ARHGAP26: variants seen among roughly 807,000 people sequenced by gnomAD.
ARHGAP26 encodes Rho GTPase activating protein 26.
In ARHGAP26, 38 loss-of-function variants were observed where a neutral mutation model predicts 104.8. The observed-to-expected ratio is 0.36, with a 90% CI of 0.28 to 0.48. ARHGAP26 has a LOEUF of 0.48. Among genes scored for constraint, ARHGAP26 ranks in the 20% least tolerant of loss-of-function variants. The probability of loss-of-function intolerance (pLI) is 0.99; values close to 1 mark genes in which losing one functional copy is unlikely to be tolerated. For missense variants in ARHGAP26, 704 were observed against 947.9 expected, an observed-to-expected ratio of 0.74 and a Z score of 3.38; for synonymous variants, 341 against 340.0, an observed-to-expected ratio of 1.00 and a Z score of -0.03.
At position 143,228,744 on chromosome 5, in the gene ARHGAP26, G is replaced by A. The variant is rs773616588; in HGVS notation, c.*6298G>A. On this transcript the variant is annotated 3_prime_UTR_variant, in exon 23 of 23. Transcript: ENST00000645722. ...GTTCTAAACTTCAGTATTGACTATT[G>A]ACTCGTGCATAGAATCCAATGCTGT... 4.9e-6 allele frequency: 1 copy of A among 203,388 alleles called. No individual in the cohort carries two copies. The allele number at this position is 203,388 out of a possible 1,614,324, so 12.6% of individuals were successfully genotyped here.
intron 10 of ARHGAP26, among the ~76,000 whole-genome samples, chr5:142,915,924 A>G (rs1762419169): frequency 6.6e-6 from 1 of 152,082 alleles, no homozygotes; most frequent in Admixed American, 6.6e-5. Context: ...AGACTCCTGT[A>G]CTTTCCTTTT....
At chr5:143,098,541 A>T (rs1039041892) in intron 17 of ARHGAP26, among the ~76,000 whole-genome samples, 6 of 152,176 alleles carry the variant, frequency 3.9e-5, no homozygotes, top group African/African-American at 1.4e-4. Context: ...CATTAGCTGA[A>T]TTATTTTATC....
chr5:143,129,403 GGTCAGAGA>G (rs1432141011), intron 18 of ARHGAP26, among the ~76,000 whole-genome samples: 3 of 152,154 alleles, frequency 2.0e-5, no homozygotes, highest in Non-Finnish European at 4.4e-5. Flanking sequence ...GGTCTCTGAA[GGTCAGAGA>G]GTTACATAAT....
chr5:142,836,237 G>A (rs986389550), intron 1 of ARHGAP26, among the ~76,000 whole-genome samples: 11 of 152,324 alleles, frequency 7.2e-5, no homozygotes, highest in African/African-American at 2.6e-4. Flanking sequence ...TCTCTCTGGG[G>A]TTTTGGCTTT....
chr5:143,058,711 T>C (rs1195536829), intron 17 of ARHGAP26, among the ~76,000 whole-genome samples: 1 of 152,252 alleles, frequency 6.6e-6, no homozygotes, highest in Admixed American at 6.5e-5. Context: ...TGAGGGAGAT[T>C]GTAATGGTTA....
chr5:143,164,515 T>A (rs1025558402), intron 20 of ARHGAP26, among the ~76,000 whole-genome samples: 12 of 152,256 alleles, frequency 7.9e-5, no homozygotes, highest in African/African-American at 2.9e-4. Context: ...TTTCAAAGAA[T>A]GAGACTCTTT....
At chr5:142,775,091 A>G (rs1756028008) in intron 1 of ARHGAP26, among the ~76,000 whole-genome samples, 1 of 152,134 alleles carries the variant, frequency 6.6e-6, no homozygotes, top group South Asian at 2.1e-4. Context: ...ATTTGGGTAA[A>G]TACCAAGGAG....
intron 20 of ARHGAP26, among the ~76,000 whole-genome samples, chr5:143,188,651 A>G (rs1443019357): frequency 6.6e-6 from 1 of 152,204 alleles, no homozygotes; most frequent in Non-Finnish European, 1.5e-5. Context: ...GTTTACCCTC[A>G]CTAACATTTC....
intron 1 of ARHGAP26, among the ~76,000 whole-genome samples, chr5:142,796,354 C>T (rs971370091): frequency 1.1e-4 from 17 of 152,080 alleles, no homozygotes; most frequent in African/African-American, 2.4e-4. Context: ...CTCTTAGGAC[C>T]GTAGTTCTCT....
At chr5:143,140,419 C>G (rs1798377185) in intron 19 of ARHGAP26, among the ~76,000 whole-genome samples, 1 of 152,170 alleles carries the variant, frequency 6.6e-6, no homozygotes. Context: ...ATTTTCTCAT[C>G]TGTAAAATCT....
At position 143,063,034 on chromosome 5, in the gene ARHGAP26, C is replaced by T. The variant is rs146977743; in HGVS notation, c.1538+5287C>T. Among the ~76,000 whole-genome samples the T allele has an allele frequency of 1.1e-4, 17 of 152,288 alleles. No homozygotes were observed. The East Asian group carries it at 1.5e-3, about 14-fold the overall frequency. On this transcript the variant is annotated intron_variant, in intron 17 of 22. Transcript: ENST00000645722. ...TTCCCTCAGCCATACACCCTGGCTC[C>T]GGAACCTTTGTTCTCTCTAGTAACC...
At position 142,856,716 on chromosome 5, in the gene ARHGAP26, G is replaced by A. The variant is rs77197935; in HGVS notation, c.155-16684G>A. Reference sequence around the variant, plus strand: ...ATACAGTATAACAACGATTTACATAGCATTTACATTGTATTAGGTATTGTA... The same window carrying A: ...ATACAGTATAACAACGATTTACATAACATTTACATTGTATTAGGTATTGTA... On this transcript the variant is annotated intron_variant, in intron 1 of 22. Transcript: ENST00000645722. Among the ~76,000 whole-genome samples, 2,215 of 152,132 alleles carry A rather than the reference G, an allele frequency of 0.015. 181 individuals carry two copies. In the East Asian group the frequency reaches 0.25, roughly 17 times the overall value.
intron 17 of ARHGAP26, among the ~76,000 whole-genome samples, chr5:143,093,610 A>T (rs2108843): frequency 6.6e-6 from 1 of 151,748 alleles, no homozygotes; most frequent in African/African-American, 2.4e-5. Flanking sequence ...CTTTGACTCC[A>T]TCTTTGTCTC....
At position 143,140,204 on chromosome 5, in the gene ARHGAP26, C is replaced by T. The variant is rs142815639; in HGVS notation, c.1837+6099C>T. ...GATGCTAACTCAATTTAGAGAAGTA[C>T]TGGCTTGGGAAGGTGGGGACAGTCA... On this transcript the variant is annotated intron_variant, in intron 19 of 22. Coordinates refer to ENST00000645722, the MANE Select transcript of ARHGAP26 (RefSeq NM_001135608.3). Among the ~76,000 whole-genome samples, 25 of 152,280 alleles carry T rather than the reference C, an allele frequency of 1.6e-4. No homozygotes were observed. In the East Asian group the frequency reaches 4.6e-3, roughly 28 times the overall value.
intron 14 of ARHGAP26, among the ~76,000 whole-genome samples, chr5:143,051,046 T>A (rs1043046219): frequency 2.0e-5 from 3 of 152,188 alleles, no homozygotes; most frequent in Non-Finnish European, 4.4e-5. Flanking sequence ...TGCCTCTACC[T>A]TTTCATGTAT....
intron 1 of ARHGAP26, among the ~76,000 whole-genome samples, chr5:142,846,972 C>A (rs1004106951): frequency 3.9e-5 from 6 of 151,974 alleles, no homozygotes; most frequent in African/African-American, 1.5e-4. Flanking sequence ...GGGTAGGAAA[C>A]CTAAGAAGGG....
intron 20 of ARHGAP26, among the ~76,000 whole-genome samples, chr5:143,150,885 G>A (rs925421622): frequency 4.6e-5 from 7 of 152,096 alleles, no homozygotes; most frequent in South Asian, 4.2e-4. Context: ...TAGATACAAC[G>A]TTAAAAGTAT....
intron 1 of ARHGAP26, among the ~76,000 whole-genome samples, chr5:142,837,818 C>A (rs1769897193): frequency 6.6e-6 from 1 of 152,154 alleles, no homozygotes; most frequent in Non-Finnish European, 1.5e-5. Flanking sequence ...TCAAACAATA[C>A]AAAACAGTTT....
chr5:143,018,259 A>C (rs909511348), intron 12 of ARHGAP26, among the ~76,000 whole-genome samples: 1 of 152,198 alleles, frequency 6.6e-6, no homozygotes, highest in African/African-American at 2.4e-5. Flanking sequence ...TGTTAGATTT[A>C]GCCAGTTTAA....
Sources: gnomAD v4.1 joint callset for allele counts (sites outside exome capture counted in the v4.1 genomes callset) on GRCh38, gnomAD v4.1.1 for gene constraint, MANE v1.5 for transcripts, NCBI Gene and HGNC (gene_info 2026-07-23, HGNC 2026-07-21) for gene names.